The following CYB5A variants were observed in gnomAD, a reference collection of about 807,000 sequenced individuals.
The protein encoded by CYB5A is cytochrome b5 type A.
Under a neutral mutation model 16.2 loss-of-function variants are expected in CYB5A, and 10 were observed. The observed-to-expected ratio is 0.62, with a 90% confidence interval of 0.38 to 1.04. The LOEUF (loss-of-function observed/expected upper bound fraction) is 1.04, where lower values mean the gene tolerates loss of function less well. CYB5A is among the 50% of genes least tolerant of loss of function. CYB5A has a pLI of 0.01. For missense variants in CYB5A, 161 were observed against 165.9 expected (o/e 0.97, Z 0.16); for synonymous variants, 62 against 57.0 (o/e 1.09, Z -0.40).
chr18:74,284,104 G>A (rs1333263594), intron 1 of CYB5A, among the ~76,000 whole-genome samples: 1 of 152,030 alleles, frequency 6.6e-6, no homozygotes, highest in African/African-American at 2.4e-5. Flanking sequence ...GGTGGTGCAT[G>A]CCTGTAATCC....
intron 1 of CYB5A, among the ~76,000 whole-genome samples, chr18:74,271,210 C>G (rs879906634): frequency 4.6e-5 from 7 of 152,200 alleles, no homozygotes; most frequent in Admixed American, 2.6e-4. Context: ...CATGAGAAAT[C>G]AATGTGATCC....
At chr18:74,282,414 GA>G (rs963192878) in intron 1 of CYB5A, among the ~76,000 whole-genome samples, 9 of 151,876 alleles carry the variant, frequency 5.9e-5, no homozygotes, top group African/African-American at 1.2e-4. Flanking sequence ...GAAAAAGGGG[GA>G]AAAAAATAAG....
intron 1 of CYB5A, among the ~76,000 whole-genome samples, chr18:74,284,240 A>C (rs1363339939): frequency 6.6e-6 from 1 of 150,984 alleles, no homozygotes; most frequent in Non-Finnish European, 1.5e-5. Context: ...CTCCAAAAAA[A>C]AAAAAAAAAA....
chr18:74,275,158 A>G (rs1982821124), intron 1 of CYB5A, among the ~76,000 whole-genome samples: 1 of 152,202 alleles, frequency 6.6e-6, no homozygotes, highest in South Asian at 2.1e-4. Context: ...TGAACAAATC[A>G]GGTGAGGGGG....
chr18:74,266,942 A>C (rs1568217683), intron 1 of CYB5A, among the ~76,000 whole-genome samples: 1 of 152,206 alleles, frequency 6.6e-6, no homozygotes, highest in Non-Finnish European at 1.5e-5. Context: ...CAAATCCTAA[A>C]AATTGATATT....
At chr18:74,280,546 C>T (rs1199905064) in intron 1 of CYB5A, among the ~76,000 whole-genome samples, 1 of 150,786 alleles carries the variant, frequency 6.6e-6, no homozygotes, top group Non-Finnish European at 1.5e-5. Context: ...CCATTGCACT[C>T]CAGCCTGAGT....
chr18:74,282,804 C>A (rs77429255), intron 1 of CYB5A, among the ~76,000 whole-genome samples: 4,918 of 152,174 alleles, frequency 0.032, 279 homozygotes, highest in African/African-American at 0.11. Context: ...AGGTAAGGAC[C>A]AGATCATTCA....
rs546106119 is a variant in CYB5A at position 74,272,982 on chromosome 18, A to G, written c.130-9505T>C. 2.6e-5 allele frequency among the ~76,000 whole-genome samples: 4 copies of G among 152,294 alleles called. No homozygotes were observed. In the South Asian group the frequency reaches 8.3e-4, roughly 32 times the overall value. Reference sequence around the variant, plus strand: ...GGCTTTAGTCCTTGTTTTTACTATCATTAAAAATCTGTTGTCTGAACCTTT... The same window carrying G: ...GGCTTTAGTCCTTGTTTTTACTATCGTTAAAAATCTGTTGTCTGAACCTTT... On this transcript the variant is annotated intron_variant, in intron 1 of 4. Transcript: ENST00000340533.
chr18:74,253,691 G>C (rs1221782069), intron 4 of CYB5A, 26 bp from the exon 5 acceptor site: 3 of 1,519,154 alleles, frequency 2.0e-6, no homozygotes, highest in Non-Finnish European at 2.7e-6. Flanking sequence ...AAGCAATGAT[G>C]CTGACATGAT....
chr18:74,263,146 C>CAA (rs374767854), intron 2 of CYB5A, among the ~76,000 whole-genome samples: 284 of 85,768 alleles, frequency 3.3e-3, no homozygotes, highest in African/African-American at 6.1e-3. Flanking sequence ...AGACCTGTCT[C>CAA]AAAAAAAAAA....
chr18:74,264,203 T>A (rs9947955), intron 1 of CYB5A, among the ~76,000 whole-genome samples: 9,597 of 68,842 alleles, frequency 0.14, 845 homozygotes, highest in East Asian at 0.34. Context: ...AAAGTGAGAC[T>A]CTGTCTCAAA....
intron 4 of CYB5A, among the ~76,000 whole-genome samples, chr18:74,254,899 G>A (rs753435844): frequency 6.6e-6 from 1 of 152,344 alleles, no homozygotes; most frequent in East Asian, 1.9e-4. Flanking sequence ...GGAAATTAAT[G>A]TGTAGGCTTT....
rs377196293 is a variant in CYB5A at position 74,263,380 on chromosome 18, G to C, written c.227C>G (p.Ser76Cys). The C allele has an allele frequency of 6.2e-7, 1 of 1,614,080 alleles. No homozygotes were observed. Among genetic ancestry groups the C allele is most frequent in the Admixed American group, 1.7e-5 (1 of 60,022 alleles). Residue 76 changes from serine (S) to cysteine (C), a missense_variant, in exon 2 of 5, where the codon TCC (serine) becomes TGC (cysteine). Coordinates refer to ENST00000340533, the MANE Select transcript of CYB5A (RefSeq NM_148923.4). ...VGHSTDAREMSKTFIIGELHP... is the reference protein window; with the variant it reads ...VGHSTDAREMCKTFIIGELHP... ...GAGCTCCCCAATGATGAATGTTTTG[G>C]ACATTTCCCTGGCATCTGTAGAGTG...
chr18:74,268,679 A>T (rs1982545959), intron 1 of CYB5A, among the ~76,000 whole-genome samples: 1 of 152,144 alleles, frequency 6.6e-6, no homozygotes, highest in African/African-American at 2.4e-5. Context: ...TGTGAGGCAG[A>T]GTGGACGAGA....
rs1981788366 is a variant in CYB5A, at chr18:74,251,959, A to G, written c.*1625T>C. ...CGACTGACCCACTTCGATTCACTTC[A>G]TAGTTGATTTAGGAGCAATGTTTTA... On this transcript the variant is annotated 3_prime_UTR_variant, in exon 5 of 5. Transcript: ENST00000340533. 6.6e-6 allele frequency: 1 copy of G among 152,204 alleles called. No homozygotes were observed. Among genetic ancestry groups the G allele is most frequent in the Admixed American group, 6.5e-5 (1 of 15,290 alleles). The allele number at this position is 152,204 out of a possible 1,614,324, so 9.4% of individuals were successfully genotyped here.
At chr18:74,263,653 C>T (rs1327611423) in intron 1 of CYB5A, among the ~76,000 whole-genome samples, 176 bp from the exon 2 acceptor site, 3 of 152,134 alleles carry the variant, frequency 2.0e-5, no homozygotes, top group Admixed American at 6.5e-5. Context: ...ATTCCATTTC[C>T]ATCATGCAAG....
chr18:74,253,380 T>C lies in CYB5A; in HGVS notation c.*204A>G. On this transcript the variant is annotated 3_prime_UTR_variant, in exon 5 of 5. Transcript: ENST00000340533. ...TAAGGAAACATCAAAATAAAGTAGA[T>C]GAATAAAAAGGCACACTCGAAAAAT... The C allele has an allele frequency of 2.0e-6, 1 of 494,352 alleles. No homozygotes were observed. The highest frequency in any genetic ancestry group is 3.7e-6 in the Non-Finnish European group (1 of 270,312). The allele number at this position is 494,352 out of a possible 1,614,324, so 30.6% of individuals were successfully genotyped here. A position where few individuals can be genotyped will look rare whatever the true frequency, so the allele number is the denominator to read the frequency against.
chr18:74,264,940 G>A (rs1982376065), intron 1 of CYB5A, among the ~76,000 whole-genome samples: 2 of 77,472 alleles, frequency 2.6e-5, no homozygotes, highest in South Asian at 5.5e-4. Flanking sequence ...TCCTAAATAC[G>A]TACTTTTGTA....
intron 1 of CYB5A, among the ~76,000 whole-genome samples, chr18:74,271,663 T>TGA (rs1982674653): frequency 6.6e-6 from 1 of 152,148 alleles, no homozygotes; most frequent in South Asian, 2.1e-4. Context: ...TGTGTGTGTG[T>TGA]GTGTGTGTCT....
Sources: gnomAD v4.1 joint callset for allele counts (sites outside exome capture counted in the v4.1 genomes callset) on GRCh38, gnomAD v4.1.1 for gene constraint, MANE v1.5 for transcripts, NCBI Gene and HGNC (gene_info 2026-07-23, HGNC 2026-07-21) for gene names.